The following PLCB1 variants were observed in gnomAD, a reference collection of about 807,000 sequenced individuals.
PLCB1 encodes the protein phospholipase C beta 1.
Under a neutral mutation model 161.8 loss-of-function variants are expected in PLCB1, and 46 were observed. That is an observed-to-expected ratio of 0.28 (90% confidence interval 0.22 to 0.36). The LOEUF is 0.36. Among genes scored for constraint, PLCB1 ranks in the 10% least tolerant of loss-of-function variants. The pLI is 1.00. For missense variants in PLCB1, 1,016 were observed against 1,472.5 expected (o/e 0.69, Z 5.07); for synonymous variants, 517 against 503.7 (o/e 1.03, Z -0.35).
chr20:8,548,305 TCTTC>T (rs139327039), intron 3 of PLCB1, among the ~76,000 whole-genome samples: 45,589 of 145,012 alleles, frequency 0.31, 7,832 homozygotes, highest in Non-Finnish European at 0.39. Context: ...TTTTCTTTCG[TCTTC>T]CTTCCTTCCA....
At chr20:8,544,671 A>G (rs1010779141) in intron 3 of PLCB1, among the ~76,000 whole-genome samples, 1 of 152,196 alleles carries the variant, frequency 6.6e-6, no homozygotes, top group Non-Finnish European at 1.5e-5. Flanking sequence ...TGGAAAGGAC[A>G]CCAATTATTA....
intron 9 of PLCB1, among the ~76,000 whole-genome samples, chr20:8,662,021 T>TA (rs1989651059): frequency 1.7e-4 from 1 of 5,744 alleles, no homozygotes; most frequent in Non-Finnish European, 5.2e-4. Context: ...TTATATATAA[T>TA]ATACAATTAT....
intron 18 of PLCB1, 98 bp downstream of exon 18, chr20:8,729,272 C>A (rs942739483): frequency 8.8e-7 from 1 of 1,137,564 alleles, no homozygotes; most frequent in Non-Finnish European, 1.2e-6. Flanking sequence ...TGCCAGACTT[C>A]ACTGAAAAAA....
chr20:8,201,040 C>T (rs1357158156), intron 2 of PLCB1, among the ~76,000 whole-genome samples: 1 of 152,010 alleles, frequency 6.6e-6, no homozygotes, highest in Admixed American at 6.6e-5. Context: ...TTTTATTTTG[C>T]ATCTATATTT....
chr20:8,600,430 AC>A (rs1987519432), intron 3 of PLCB1, among the ~76,000 whole-genome samples: 1 of 145,748 alleles, frequency 6.9e-6, no homozygotes, highest in South Asian at 2.2e-4. Flanking sequence ...GGGGTCAGGG[AC>A]CCACTTGAGG....
At chr20:8,751,525 AT>A (rs1255551103) in intron 23 of PLCB1, 2 of 152,126 alleles carry the variant, frequency 1.3e-5, no homozygotes, top group African/African-American at 4.8e-5. Flanking sequence ...TCTGTATTCT[AT>A]TTTCAGTGCA....
intron 3 of PLCB1, among the ~76,000 whole-genome samples, chr20:8,562,351 G>A (rs1311682435): frequency 1.3e-5 from 2 of 152,072 alleles, no homozygotes; most frequent in African/African-American, 4.8e-5. Context: ...CTAATGTTTG[G>A]TCGTGGTTAA....
chr20:8,161,066 C>G (rs2051617151), intron 2 of PLCB1, among the ~76,000 whole-genome samples: 1 of 151,976 alleles, frequency 6.6e-6, no homozygotes, highest in Non-Finnish European at 1.5e-5. Flanking sequence ...TTATCCTTAG[C>G]ATCACCAACA....
chr20:8,636,431 A>C (rs755424626), intron 4 of PLCB1, among the ~76,000 whole-genome samples: 2 of 152,246 alleles, frequency 1.3e-5, no homozygotes, highest in Non-Finnish European at 2.9e-5. Context: ...TACATTCTGC[A>C]CATTTTGGAT....
chr20:8,795,155 A>G (rs1770897741), intron 31 of PLCB1, among the ~76,000 whole-genome samples: 1 of 152,192 alleles, frequency 6.6e-6, no homozygotes. Flanking sequence ...TCACACTGGA[A>G]AAGTTTATTT....
intron 27 of PLCB1, among the ~76,000 whole-genome samples, chr20:8,780,179 C>G (rs1312929496): frequency 6.6e-6 from 1 of 152,148 alleles, no homozygotes. Context: ...TTAAAAGTGA[C>G]TTTGGTGAGG....
chr20:8,482,622 C>T (rs1248397768), intron 3 of PLCB1, among the ~76,000 whole-genome samples: 1 of 152,060 alleles, frequency 6.6e-6, no homozygotes, highest in Non-Finnish European at 1.5e-5. Flanking sequence ...CAAAGAGTCC[C>T]AATTATGGGA....
chr20:8,716,491 C>G lies in PLCB1; in HGVS notation c.1335+143C>G. On this transcript the variant is annotated intron_variant, in intron 13 of 31. Coordinates refer to ENST00000338037, the MANE Select transcript of PLCB1 (RefSeq NM_015192.4). ...GATGAAATCTTTGACAAGGAGGATA[C>G]CAGCAATGGGCCCCACTAAGGGTAG... is the stretch of plus-strand genomic sequence containing the variant. The G allele has an allele frequency of 5.9e-6, 4 of 683,212 alleles. No individual in the cohort carries two copies. The East Asian group carries it at 8.2e-5, about 14-fold the overall frequency. 42.3% of individuals were successfully genotyped at this position (683,212 alleles called of 1,614,324 possible). A position where few individuals can be genotyped will look rare whatever the true frequency, so the allele number is the denominator to read the frequency against.
At chr20:8,331,605 C>T (rs1985367113) in intron 2 of PLCB1, among the ~76,000 whole-genome samples, 1 of 152,158 alleles carries the variant, frequency 6.6e-6, no homozygotes, top group Non-Finnish European at 1.5e-5. Context: ...ATTACATCTT[C>T]AGTTACAAGG....
intron 4 of PLCB1, among the ~76,000 whole-genome samples, chr20:8,644,133 C>G (rs1370073093): frequency 6.6e-6 from 1 of 152,184 alleles, no homozygotes; most frequent in African/African-American, 2.4e-5. Context: ...GTGGCGTGAT[C>G]TCGGCTCGCT....
intron 2 of PLCB1, among the ~76,000 whole-genome samples, chr20:8,263,047 T>C (rs1394759189): frequency 1.3e-5 from 2 of 152,172 alleles, no homozygotes; most frequent in African/African-American, 2.4e-5. Flanking sequence ...TAAACATTCC[T>C]AATGCAGGAC....
At chr20:8,386,619 G>T (rs998965263) in intron 3 of PLCB1, among the ~76,000 whole-genome samples, 2 of 152,192 alleles carry the variant, frequency 1.3e-5, no homozygotes, top group East Asian at 3.8e-4. Context: ...TCCACTTAAA[G>T]TTACCAACTG....
rs1982787674 is a variant in PLCB1 at position 8,773,364 on chromosome 20, CTT to C, written c.2931-1173_2931-1172del. Among the ~76,000 whole-genome samples, 3 of 152,196 alleles carry C rather than the reference CTT, an allele frequency of 2.0e-5. No individual in the cohort carries two copies. In the South Asian group the frequency reaches 6.2e-4, roughly 32 times the overall value. On this transcript the variant is annotated intron_variant, in intron 26 of 31. Coordinates refer to ENST00000338037, the MANE Select transcript of PLCB1 (RefSeq NM_015192.4). ...TTGTACCCTGTTCCCAATACTCTGT[CTT>C]TCTTTCCACTGTTTCCTACAGGTGA...
At chr20:8,647,818 CT>C (rs1000269725) in intron 5 of PLCB1, 81 bp from the exon 6 acceptor site, 4 of 1,072,272 alleles carry the variant, frequency 3.7e-6, no homozygotes, top group African/African-American at 3.1e-5. Context: ...AAGGCATGGG[CT>C]TTTTTGAGTG....
Sources: allele counts gnomAD v4.1 joint callset (sites outside exome capture counted in the v4.1 genomes callset), GRCh38; gene constraint gnomAD v4.1.1; transcripts MANE v1.5; gene names NCBI Gene and HGNC (gene_info 2026-07-23, HGNC 2026-07-21).